The following PCLO variants were observed in gnomAD, a reference collection of about 807,000 sequenced individuals.
The protein encoded by PCLO is protein piccolo.
A neutral mutation model predicts 427.5 loss-of-function variants in PCLO; 82 were observed. That is an observed-to-expected ratio of 0.19 (90% CI 0.16 to 0.23). The LOEUF (loss-of-function observed/expected upper bound fraction) is 0.23. Among genes scored for constraint, PCLO ranks in the 10% least tolerant of loss-of-function variants. PCLO has a pLI of 1.00. For synonymous variants in PCLO, 2,357 were observed against 2,155.4 expected (o/e 1.09, Z -2.59); for missense variants, 6,239 against 6,115.9 (o/e 1.02, Z -0.67).
chr7:82,767,609 A>G (rs17282875), intron 22 of PCLO, among the ~76,000 whole-genome samples: 91,804 of 151,842 alleles, frequency 0.6, 28,782 homozygotes, highest in East Asian at 0.86. Context: ...TAGAGAACAA[A>G]GATTGAGGTA....
intron 6 of PCLO, among the ~76,000 whole-genome samples, chr7:82,944,193 T>C (rs1213919937): frequency 7.8e-6 from 1 of 128,708 alleles, no homozygotes; most frequent in Admixed American, 7.7e-5. Context: ...AAATGAATAG[T>C]GGGAGGATGA....
intron 3 of PCLO, among the ~76,000 whole-genome samples, chr7:83,072,488 G>A (rs1789843785): frequency 2.0e-5 from 3 of 151,882 alleles, no homozygotes; most frequent in Admixed American, 2.0e-4. Flanking sequence ...CAAAAGTTTT[G>A]TATTTACATT....
rs1487560061 is a variant in PCLO at position 83,072,167 on chromosome 7, T to C, written c.3300+62083A>G. On this transcript the variant is annotated intron_variant, in intron 3 of 24. Transcript: ENST00000333891. ...TAATGATTTTGTTGTTGTGATTCTG[T>C]TGTTATTTCTAGCAACAATGCTTCA... Among the ~76,000 whole-genome samples, 3 of 152,082 alleles carry C rather than the reference T, an allele frequency of 2.0e-5. No homozygotes were observed. The East Asian group carries it at 5.8e-4, about 29-fold the overall frequency.
chr7:83,066,112 T>G (rs1442240802), intron 3 of PCLO, among the ~76,000 whole-genome samples: 1 of 152,166 alleles, frequency 6.6e-6, no homozygotes, highest in African/African-American at 2.4e-5. Context: ...AACACAATGC[T>G]CTAGTTCTTA....
In PCLO at chr7:82,827,960, C is replaced by G. The variant is rs1791990535; in HGVS notation, c.14256G>C (p.Glu4752Asp). 6.3e-7 allele frequency: 1 copy of G among 1,579,886 alleles called. No individual in the cohort carries two copies. Among genetic ancestry groups the G allele is most frequent in the Non-Finnish European group, 8.7e-7 (1 of 1,150,760 alleles). ...QVMVVQNASA[E>D]YKRRTKHVQK... ...GGACATGTTTAGTCCTTCTCTTGTA[C>G]TCAGCACTGAATTGGGAGAAAAGAA... Residue 4752 changes from glutamate to aspartate, a missense_variant, in exon 17 of 25, where the codon GAG becomes GAC. Glu to Asp is a conservative substitution (Grantham distance 45). Transcript: ENST00000333891.
chr7:83,123,276 C>T (rs2116570150), intron 3 of PCLO, among the ~76,000 whole-genome samples: 1 of 152,118 alleles, frequency 6.6e-6, no homozygotes, highest in Admixed American at 6.6e-5. Flanking sequence ...AAAAGTAGAC[C>T]CGTGGACCAA....
intron 3 of PCLO, among the ~76,000 whole-genome samples, chr7:82,981,082 A>G (rs1796137213): frequency 6.6e-6 from 1 of 152,182 alleles, no homozygotes; most frequent in Non-Finnish European, 1.5e-5. Context: ...AAGAACTTAA[A>G]GTATAATAAA....
chr7:82,833,024 C>A (rs1048281487), intron 16 of PCLO, among the ~76,000 whole-genome samples: 1 of 152,252 alleles, frequency 6.6e-6, no homozygotes, highest in African/African-American at 2.4e-5. Context: ...GTAACCCCTG[C>A]ACCTGGCACA....
intron 6 of PCLO, among the ~76,000 whole-genome samples, chr7:82,931,577 T>A (rs1364537693): frequency 6.6e-6 from 1 of 152,100 alleles, no homozygotes; most frequent in African/African-American, 2.4e-5. Flanking sequence ...TTGGCAGGAT[T>A]TGGACACGGG....
chr7:82,900,618 T>C (rs572777126), intron 9 of PCLO, among the ~76,000 whole-genome samples: 25 of 151,660 alleles, frequency 1.6e-4, no homozygotes, highest in Non-Finnish European at 3.4e-4. Context: ...AGGCAAGGGA[T>C]GATTGAGGAC....
chr7:82,994,759 G>C (rs964979882), intron 3 of PCLO, among the ~76,000 whole-genome samples: 10 of 151,896 alleles, frequency 6.6e-5, no homozygotes, highest in African/African-American at 2.4e-4. Flanking sequence ...AAATGGATTG[G>C]AGTGAGAAAC....
At chr7:82,811,667 T>C (rs1341957263) in intron 20 of PCLO, among the ~76,000 whole-genome samples, 1 of 151,532 alleles carries the variant, frequency 6.6e-6, no homozygotes, top group Non-Finnish European at 1.5e-5. Context: ...TTTTTCCAAA[T>C]CTACTTCAGT....
intron 3 of PCLO, among the ~76,000 whole-genome samples, chr7:83,062,656 T>C (rs903437761): frequency 1.3e-5 from 2 of 152,280 alleles, no homozygotes; most frequent in Non-Finnish European, 2.9e-5. Context: ...CCACCCTATT[T>C]AACATCAACT....
In PCLO at chr7:83,134,600, C is replaced by T. The variant is rs1299599318; in HGVS notation, c.2950G>A (p.Gly984Ser). 1 of 1,613,704 alleles carries T rather than the reference C, an allele frequency of 6.2e-7. No homozygotes were observed. The highest frequency in any genetic ancestry group is 8.5e-7 in the Non-Finnish European group (1 of 1,179,888). ...PTSQGPPKST[G>S]QAPPAPAKSI... Reference sequence around the variant, plus strand: ...TTTGCAGGTGCTGGTGGTGCTTGACCTGTGGATTTGGGTGGCCCTTGTGAA... The same window carrying T: ...TTTGCAGGTGCTGGTGGTGCTTGACTTGTGGATTTGGGTGGCCCTTGTGAA... The change falls in exon 3 of 25, where the codon GGT becomes AGT. Residue 984 changes from glycine (G) to serine (S), a missense_variant. Physicochemically the swap from Gly to Ser is moderately conservative, Grantham distance 56 (BLOSUM62 0). Transcript: ENST00000333891.
chr7:83,068,078 T>G (rs1789712658), intron 3 of PCLO, among the ~76,000 whole-genome samples: 1 of 152,168 alleles, frequency 6.6e-6, no homozygotes, highest in Non-Finnish European at 1.5e-5. Context: ...AAAGTCAAAA[T>G]TTTATATTAA....
chr7:83,069,992 A>AACTTAATG (rs1407074963), intron 3 of PCLO, among the ~76,000 whole-genome samples: 1 of 152,114 alleles, frequency 6.6e-6, no homozygotes, highest in African/African-American at 2.4e-5. Context: ...GTGTGGACTG[A>AACTTAATG]ACTTAATGAC....
chr7:82,926,556 T>C (rs1177479887), intron 6 of PCLO, among the ~76,000 whole-genome samples: 1 of 152,314 alleles, frequency 6.6e-6, no homozygotes, highest in African/African-American at 2.4e-5. Context: ...CTCTAATTGA[T>C]ACTGTGAAAA....
intron 3 of PCLO, among the ~76,000 whole-genome samples, chr7:83,014,800 T>C (rs1788167042): frequency 6.6e-6 from 1 of 152,098 alleles, no homozygotes; most frequent in African/African-American, 2.4e-5. Flanking sequence ...CCTAATTTCC[T>C]GCTTAAAAGA....
chr7:83,068,002 A>C (rs1789711028), intron 3 of PCLO, among the ~76,000 whole-genome samples: 1 of 121,836 alleles, frequency 8.2e-6, no homozygotes, highest in Non-Finnish European at 1.7e-5. Flanking sequence ...ATATAATAAG[A>C]AGCAATATTT....
Sources: allele counts gnomAD v4.1 joint callset (sites outside exome capture counted in the v4.1 genomes callset), GRCh38; gene constraint gnomAD v4.1.1; transcripts MANE v1.5; gene names NCBI Gene and HGNC (gene_info 2026-07-23, HGNC 2026-07-21).